FRMD4A: variants seen among roughly 807,000 people sequenced by gnomAD.
FRMD4A encodes the protein FERM domain-containing protein 4A.
Under a neutral mutation model 129.1 loss-of-function variants are expected in FRMD4A, and 29 were observed. The ratio of observed to expected loss-of-function variants is 0.22; its 90% CI spans 0.17 to 0.31. The LOEUF (loss-of-function observed/expected upper bound fraction) is 0.31, where lower values mean the gene tolerates loss of function less well. Among genes scored for constraint, FRMD4A ranks in the 10% least tolerant of loss-of-function variants. FRMD4A has a pLI of 1.00. For synonymous variants in FRMD4A, 634 were observed against 571.6 expected (o/e 1.11, Z -1.56); for missense variants, 1,272 against 1,375.8 (o/e 0.92, Z 1.19).
chr10:14,185,564 A>G (rs567748738), intron 2 of FRMD4A, among the ~76,000 whole-genome samples: 10 of 152,306 alleles, frequency 6.6e-5, no homozygotes, highest in African/African-American at 2.2e-4. Flanking sequence ...AGACTATTTA[A>G]AGGTTCAATC....
intron 2 of FRMD4A, among the ~76,000 whole-genome samples, chr10:14,328,363 T>G (rs1046989259): frequency 7.1e-5 from 1 of 14,058 alleles, no homozygotes; most frequent in Non-Finnish European, 1.7e-4. Context: ...TGTGTGTGTG[T>G]GTGGGTGGGG....
chr10:13,989,169 C>G (rs2095594110), intron 2 of FRMD4A, among the ~76,000 whole-genome samples: 1 of 152,060 alleles, frequency 6.6e-6, no homozygotes, highest in Non-Finnish European at 1.5e-5. Flanking sequence ...GTGGCACCTC[C>G]CATCCCACAC....
At chr10:14,271,400 C>CT (rs1564430997) in intron 2 of FRMD4A, among the ~76,000 whole-genome samples, 1 of 152,210 alleles carries the variant, frequency 6.6e-6, no homozygotes, top group Non-Finnish European at 1.5e-5. Context: ...GATGCTATCC[C>CT]TTTATAGGGC....
intron 2 of FRMD4A, among the ~76,000 whole-genome samples, chr10:13,877,432 G>A (rs746388737): frequency 6.6e-5 from 10 of 152,126 alleles, no homozygotes; most frequent in Admixed American, 3.3e-4. Context: ...TAGTGGCATC[G>A]GAGCAAGACA....
chr10:13,980,010 A>G (rs1387518306), intron 2 of FRMD4A, among the ~76,000 whole-genome samples: 1 of 152,198 alleles, frequency 6.6e-6, no homozygotes, highest in Non-Finnish European at 1.5e-5. Context: ...TCACCACGGC[A>G]TTCACAATGC....
intron 2 of FRMD4A, among the ~76,000 whole-genome samples, chr10:14,320,227 C>T (rs1846922622): frequency 6.6e-6 from 1 of 152,162 alleles, no homozygotes; most frequent in Non-Finnish European, 1.5e-5. Context: ...AATCCAAGAA[C>T]CTGGAGAGGC....
intron 2 of FRMD4A, among the ~76,000 whole-genome samples, chr10:13,974,039 TC>T (rs1336366404): frequency 0.023 from 1,673 of 71,566 alleles, 70 homozygotes; most frequent in African/African-American, 0.057. Context: ...TTTTTTTTTT[TC>T]TTTCTGGGAC....
intron 2 of FRMD4A, among the ~76,000 whole-genome samples, chr10:14,062,840 C>G (rs192098407): frequency 6.6e-6 from 1 of 152,132 alleles, no homozygotes; most frequent in Admixed American, 6.6e-5. Context: ...GCAGTGAGAT[C>G]ATGCCATTGC....
intron 2 of FRMD4A, among the ~76,000 whole-genome samples, chr10:14,267,108 T>A (rs1404160098): frequency 6.6e-6 from 1 of 152,208 alleles, no homozygotes; most frequent in Non-Finnish European, 1.5e-5. Context: ...GAAGATATAA[T>A]GGGCCTGAAT....
At chr10:14,193,915 C>T (rs957966960) in intron 2 of FRMD4A, among the ~76,000 whole-genome samples, 4 of 152,136 alleles carry the variant, frequency 2.6e-5, no homozygotes, top group Non-Finnish European at 5.9e-5. Flanking sequence ...TCCCCTGCTT[C>T]TCTGAATTTT....
chr10:14,047,771 G>A (rs531685772), intron 2 of FRMD4A, among the ~76,000 whole-genome samples: 2 of 152,310 alleles, frequency 1.3e-5, no homozygotes, highest in East Asian at 1.9e-4. Flanking sequence ...AACCCTTTGG[G>A]GTTTTAACCC....
intron 2 of FRMD4A, chr10:14,074,525 G>A (rs1218313009): frequency 6.6e-6 from 1 of 152,218 alleles, no homozygotes; most frequent in Non-Finnish European, 1.5e-5. Flanking sequence ...GGATTCCTGT[G>A]TCCTGGCGCA....
chr10:14,135,064 G>A (rs1387309529), intron 2 of FRMD4A, among the ~76,000 whole-genome samples: 1 of 152,156 alleles, frequency 6.6e-6, no homozygotes, highest in Non-Finnish European at 1.5e-5. Context: ...ATTGTTTCAT[G>A]AAGAAATATT....
intron 2 of FRMD4A, among the ~76,000 whole-genome samples, chr10:14,204,719 G>A (rs999646754): frequency 3.8e-4 from 58 of 152,036 alleles, no homozygotes; most frequent in African/African-American, 1.4e-3. Context: ...CACGGAAACT[G>A]TCATACTTAA....
At chr10:13,906,475 A>G (rs1353732387) in intron 2 of FRMD4A, among the ~76,000 whole-genome samples, 1 of 152,184 alleles carries the variant, frequency 6.6e-6, no homozygotes, top group Non-Finnish European at 1.5e-5. Context: ...TGAGGGTTGC[A>G]TTGTGTAATG....
intron 2 of FRMD4A, among the ~76,000 whole-genome samples, chr10:14,013,861 GC>G (rs1194415318): frequency 1.3e-5 from 2 of 152,194 alleles, no homozygotes. Flanking sequence ...AGCCTGGGAG[GC>G]GGAGGTTGCA....
chr10:14,043,627 T>C (rs1345924700), intron 2 of FRMD4A, among the ~76,000 whole-genome samples: 7 of 152,234 alleles, frequency 4.6e-5, no homozygotes, highest in African/African-American at 1.7e-4. Flanking sequence ...CCCCAGCACC[T>C]GCTCTAACTT....
intron 2 of FRMD4A, among the ~76,000 whole-genome samples, chr10:14,223,330 A>G (rs531505423): frequency 1.6e-4 from 25 of 152,220 alleles, no homozygotes; most frequent in African/African-American, 5.5e-4. Flanking sequence ...TTCTTCCCCC[A>G]TATCTGGAGT....
intron 2 of FRMD4A, among the ~76,000 whole-genome samples, chr10:14,043,693 C>T (rs1002673707): frequency 2.0e-5 from 3 of 152,326 alleles, no homozygotes; most frequent in Admixed American, 6.5e-5. Context: ...CAGACAACGA[C>T]GCCATCCATC....
Sources: allele counts gnomAD v4.1 joint callset (sites outside exome capture counted in the v4.1 genomes callset), GRCh38; gene constraint gnomAD v4.1.1; transcripts MANE v1.5; gene names NCBI Gene and HGNC (gene_info 2026-07-23, HGNC 2026-07-21).